Variants in KDM6A observed in about 807,000 individuals in gnomAD.
The protein encoded by KDM6A is lysine-specific demethylase 6A.
In KDM6A, 11 loss-of-function variants were observed where a neutral mutation model predicts 117.6. The ratio of observed to expected loss-of-function variants is 0.09; its 90% CI spans 0.06 to 0.15. The LOEUF (loss-of-function observed/expected upper bound fraction) is 0.15. Among genes scored for constraint, KDM6A ranks in the 10% least tolerant of loss-of-function variants. The probability of loss-of-function intolerance (pLI) is 1.00; values close to 1 mark genes in which losing one functional copy is unlikely to be tolerated. For synonymous variants in KDM6A, 384 were observed against 396.1 expected (o/e 0.97, Z 0.36); for missense variants, 799 against 1,077.3 (o/e 0.74, Z 3.62).
intron 8 of KDM6A, among the ~76,000 whole-genome samples, chrX:45,037,891 G>T (rs905017677): frequency 5.4e-5 from 6 of 111,687 alleles, no homozygotes; most frequent in Admixed American, 9.5e-5. Context: ...TGCTTGCTGT[G>T]TACAAATTAA....
intron 5 of KDM6A, among the ~76,000 whole-genome samples, chrX:45,012,197 ATTTTTTT>A (rs760991442): frequency 2.9e-5 from 2 of 69,070 alleles, no homozygotes; most frequent in African/African-American, 6.3e-5. Flanking sequence ...CCCAATGTAG[ATTTTTTT>A]TTTTTTTTTT....
chrX:44,940,329 C>T (rs966437161), intron 2 of KDM6A, among the ~76,000 whole-genome samples: 6 of 111,618 alleles, frequency 5.4e-5, no homozygotes, highest in African/African-American at 2.0e-4. Context: ...GCTGGGATTA[C>T]AGCCATGAGC....
chrX:45,050,628 A>T (rs2043798837), intron 8 of KDM6A, among the ~76,000 whole-genome samples: 1 of 111,674 alleles, frequency 9.0e-6, no homozygotes, highest in African/African-American at 3.3e-5. Context: ...ACTGGTAATG[A>T]TATGAATAAA....
At chrX:44,963,806 G>A (rs1260766244) in intron 3 of KDM6A, among the ~76,000 whole-genome samples, 4 of 110,170 alleles carry the variant, frequency 3.6e-5, no homozygotes, top group Admixed American at 9.7e-5. Flanking sequence ...TGCAACCTCC[G>A]CCTCCTGGGT....
At chrX:45,081,971 C>T (rs1157224155) in intron 21 of KDM6A, among the ~76,000 whole-genome samples, 1 of 108,728 alleles carries the variant, frequency 9.2e-6, no homozygotes, top group Non-Finnish European at 1.9e-5. Flanking sequence ...AGTAGAGACA[C>T]GGTTTCACTG....
intron 27 of KDM6A, among the ~76,000 whole-genome samples, chrX:45,097,669 C>T (rs1210774354): frequency 1.8e-5 from 2 of 111,586 alleles, no homozygotes; most frequent in Non-Finnish European, 3.8e-5. Flanking sequence ...CCTCCTGATT[C>T]CTCATTATCA....
chrX:45,026,315 A>G (rs2042363925), intron 6 of KDM6A, among the ~76,000 whole-genome samples: 2 of 111,588 alleles, frequency 1.8e-5, no homozygotes, highest in Non-Finnish European at 3.8e-5. Flanking sequence ...TTTAGGAACT[A>G]CTTCATTACG....
At chrX:44,952,574 C>T (rs183595769) in intron 2 of KDM6A, among the ~76,000 whole-genome samples, 150 of 111,677 alleles carry the variant, frequency 1.3e-3, no homozygotes, top group African/African-American at 4.7e-3. Flanking sequence ...CGTTCAACCC[C>T]TCTGCTGACT....
At chrX:44,945,853 G>T (rs1304817737) in intron 2 of KDM6A, among the ~76,000 whole-genome samples, 1 of 111,233 alleles carries the variant, frequency 9.0e-6, no homozygotes, top group Non-Finnish European at 1.9e-5. Context: ...ACTTAAATTT[G>T]CCCAATACCG....
chrX:44,962,352 C>T lies in KDM6A; in HGVS notation c.334+960C>T, dbSNP rs73488895. Among the ~76,000 whole-genome samples the T allele has an allele frequency of 6.1e-3, 680 of 111,764 alleles. 8 individuals carry two copies. The highest frequency in any genetic ancestry group is 0.021 in the African/African-American group (648 of 30,773). ...CTTAGCTCTGTTATATACAGCTGCA[C>T]TACCTTTAACAGATTATATATAAAC... On this transcript the variant is annotated intron_variant, in intron 3 of 29. Transcript: ENST00000611820.
chrX:45,071,103 T>G (rs1480829399), intron 18 of KDM6A, among the ~76,000 whole-genome samples: 1 of 112,304 alleles, frequency 8.9e-6, no homozygotes, highest in Non-Finnish European at 1.9e-5. Context: ...TCTCATTTAC[T>G]TGTAGTTGTT....
intron 4 of KDM6A, among the ~76,000 whole-genome samples, chrX:44,996,131 C>T (rs2040852446): frequency 9.1e-6 from 1 of 110,149 alleles, no homozygotes; most frequent in Non-Finnish European, 1.9e-5. Context: ...GGCAGGAATC[C>T]AGTGGTACAA....
intron 8 of KDM6A, among the ~76,000 whole-genome samples, chrX:45,038,707 C>G (rs758104821): frequency 1.0e-4 from 11 of 109,806 alleles, no homozygotes; most frequent in Admixed American, 8.7e-4. Flanking sequence ...CACCATGGCA[C>G]ATGTATACCT....
At chrX:44,892,831 C>T (rs1308484928) in intron 2 of KDM6A, among the ~76,000 whole-genome samples, 6 of 108,988 alleles carry the variant, frequency 5.5e-5, no homozygotes, top group Non-Finnish European at 1.1e-4. Flanking sequence ...GGTGAAACCC[C>T]GTCTCTACTA....
At chrX:44,941,656 G>C (rs2147041112) in intron 2 of KDM6A, among the ~76,000 whole-genome samples, 2 of 109,002 alleles carry the variant, frequency 1.8e-5, no homozygotes, top group Non-Finnish European at 3.8e-5. Flanking sequence ...AATTTTTCTT[G>C]TATTTTTAGT....
chrX:44,897,237 TATTGAGCTCATTCAAAGAG>T (rs2033962309), intron 2 of KDM6A, among the ~76,000 whole-genome samples: 1 of 107,129 alleles, frequency 9.3e-6, no homozygotes, highest in African/African-American at 3.4e-5. Flanking sequence ...TCCACTCTTT[TATTGAGCTCATTCAAAGAG>T]TTTTTATTTT....
At chrX:44,902,631 C>T (rs2034424047) in intron 2 of KDM6A, among the ~76,000 whole-genome samples, 1 of 112,049 alleles carries the variant, frequency 8.9e-6, no homozygotes, top group Admixed American at 9.4e-5. Flanking sequence ...CTCAGGTGAT[C>T]CACCTGTCGG....
In KDM6A at chrX:44,874,112, C is replaced by G. The variant is rs372210049; in HGVS notation, c.225+125C>G. ...ACGATGGTCGAGGGGCTTCCGGAAA[C>G]TATTTCCTGCCTCTGCTCTCCCCCC... is the stretch of plus-strand genomic sequence containing the variant. On this transcript the variant is annotated intron_variant, in intron 2 of 29. Coordinates refer to ENST00000611820, the MANE Select transcript of KDM6A (RefSeq NM_001291415.2). The G allele has an allele frequency of 7.3e-5, 45 of 613,895 alleles. No homozygotes were observed. In the African/African-American group the frequency reaches 7.6e-4, roughly 10 times the overall value. 50.6% of individuals were successfully genotyped at this position (613,895 alleles called of 1,213,427 possible). A position where few individuals can be genotyped will look rare whatever the true frequency, so the allele number is the denominator to read the frequency against.
chrX:45,089,517 C>G (rs1275423800), intron 25 of KDM6A, among the ~76,000 whole-genome samples: 1 of 101,005 alleles, frequency 9.9e-6, no homozygotes, highest in East Asian at 3.1e-4. Context: ...CAGAGCAAGA[C>G]TTTGTCTCAA....
Sources: allele counts gnomAD v4.1 joint callset (sites outside exome capture counted in the v4.1 genomes callset), GRCh38; gene constraint gnomAD v4.1.1; transcripts MANE v1.5; gene names NCBI Gene and HGNC (gene_info 2026-07-23, HGNC 2026-07-21).